Variants in SND1 observed in about 807,000 individuals in gnomAD.
The protein encoded by SND1 is staphylococcal nuclease domain-containing protein 1.
Under a neutral mutation model 121.7 loss-of-function variants are expected in SND1, and 38 were observed. The ratio of observed to expected loss-of-function variants is 0.31; its 90% CI spans 0.24 to 0.41. The LOEUF (loss-of-function observed/expected upper bound fraction) is 0.41. Ranked by LOEUF, SND1 falls within the 10% of genes least tolerant of loss-of-function variation. The pLI, the probability that SND1 is intolerant of heterozygous loss-of-function variation, is 1.00. For missense variants in SND1, 868 were observed against 1,184.6 expected, an observed-to-expected ratio of 0.73 and a Z score of 3.92; for synonymous variants, 401 against 447.4, an observed-to-expected ratio of 0.90 and a Z score of 1.31.
intron 10 of SND1, among the ~76,000 whole-genome samples, chr7:127,739,213 TG>T (rs1234562029): frequency 6.6e-6 from 1 of 152,194 alleles, no homozygotes; most frequent in Non-Finnish European, 1.5e-5. Flanking sequence ...ATTAGTATCT[TG>T]GTCATTTGAA....
At chr7:128,037,325 T>A (rs1400851740) in intron 16 of SND1, among the ~76,000 whole-genome samples, 1 of 152,162 alleles carries the variant, frequency 6.6e-6, no homozygotes, top group Admixed American at 6.5e-5. Context: ...CCACATTGCC[T>A]TCTCCTTTTC....
chr7:127,653,849 A>T (rs1171833471), intron 1 of SND1, among the ~76,000 whole-genome samples: 1 of 152,138 alleles, frequency 6.6e-6, no homozygotes, highest in Non-Finnish European at 1.5e-5. Flanking sequence ...GTCAGAACTG[A>T]TCTGAAACTG....
chr7:128,030,644 G>A (rs771307555), intron 16 of SND1: 2 of 1,548,628 alleles, frequency 1.3e-6, no homozygotes, highest in Non-Finnish European at 1.7e-6. Context: ...GCTTCATGGT[G>A]TGGCACGTTC....
intron 13 of SND1, among the ~76,000 whole-genome samples, chr7:127,894,889 C>T (rs1800087511): frequency 1.3e-5 from 2 of 151,022 alleles, no homozygotes; most frequent in African/African-American, 4.9e-5. Flanking sequence ...AGATAATAGA[C>T]TCAACCCTTT....
intron 10 of SND1, among the ~76,000 whole-genome samples, chr7:127,778,411 A>G (rs967290908): frequency 6.6e-6 from 1 of 152,014 alleles, no homozygotes; most frequent in Non-Finnish European, 1.5e-5. Context: ...TTTGGCCAGG[A>G]TGGTCTCGAT....
intron 15 of SND1, among the ~76,000 whole-genome samples, chr7:127,948,539 T>C (rs538345086): frequency 6.6e-6 from 1 of 152,366 alleles, no homozygotes; most frequent in East Asian, 1.9e-4. Context: ...ACACTCTAAT[T>C]GGATAACAGA....
intron 12 of SND1, among the ~76,000 whole-genome samples, chr7:127,875,446 G>A (rs1008666083): frequency 6.6e-6 from 1 of 152,180 alleles, no homozygotes; most frequent in South Asian, 2.1e-4. Context: ...GGAGTAGCCT[G>A]TTCAGGCTAA....
chr7:127,706,079 T>C (rs35813095), intron 8 of SND1, among the ~76,000 whole-genome samples: 1 of 152,184 alleles, frequency 6.6e-6, no homozygotes. Context: ...TTTTATGTTG[T>C]TCTACAATTA....
chr7:127,744,636 G>C (rs1216056005), intron 10 of SND1, among the ~76,000 whole-genome samples: 1 of 152,176 alleles, frequency 6.6e-6, no homozygotes, highest in African/African-American at 2.4e-5. Flanking sequence ...ACCTATGTAT[G>C]ATCATATTTT....
chr7:127,966,599 G>A (rs145179635), intron 15 of SND1, among the ~76,000 whole-genome samples: 18 of 77,406 alleles, frequency 2.3e-4, no homozygotes, highest in Non-Finnish European at 4.1e-4. Context: ...GCTCCTGAAT[G>A]ACTACTGGGT....
chr7:128,022,204 C>CAAAAA (rs58371490), intron 16 of SND1, among the ~76,000 whole-genome samples: 16 of 74,122 alleles, frequency 2.2e-4, no homozygotes, highest in South Asian at 6.6e-4. Context: ...GACTCTCTCT[C>CAAAAA]AAAAAAAAAA....
chr7:127,726,342 C>G (rs1005133048), intron 10 of SND1, among the ~76,000 whole-genome samples: 8 of 152,248 alleles, frequency 5.3e-5, no homozygotes, highest in African/African-American at 1.4e-4. Context: ...TCTGTGGCAC[C>G]CTGCTTCTGG....
At chr7:127,858,174 AC>A in intron 12 of SND1, 2 of 801,872 alleles carry the variant, frequency 2.5e-6, no homozygotes. Flanking sequence ...AGGGCCTGGC[AC>A]CCCAAACCCT....
intron 15 of SND1, among the ~76,000 whole-genome samples, chr7:127,930,280 G>C (rs1250801198): frequency 6.6e-6 from 1 of 152,148 alleles, no homozygotes; most frequent in African/African-American, 2.4e-5. Flanking sequence ...TTGAATTACT[G>C]AATAGAATTT....
At chr7:127,970,553 T>A (rs1787564599) in intron 15 of SND1, among the ~76,000 whole-genome samples, 1 of 152,238 alleles carries the variant, frequency 6.6e-6, no homozygotes, top group Admixed American at 6.5e-5. Context: ...TGATTTTCTT[T>A]CTCAAGTTTT....
chr7:127,844,493 TCTTTC>T, intron 12 of SND1, 69 bp downstream of exon 12: 1 of 1,263,386 alleles, frequency 7.9e-7, no homozygotes, highest in South Asian at 1.4e-5. Context: ...CTCATTTGAA[TCTTTC>T]CTTCCTTTCA....
chr7:127,829,712 C>T (rs1489389248), intron 11 of SND1, among the ~76,000 whole-genome samples: 1 of 152,090 alleles, frequency 6.6e-6, no homozygotes, highest in African/African-American at 2.4e-5. Flanking sequence ...ACATTCTGTC[C>T]TAAAAAGGAA....
At chr7:127,823,702 T>A (rs1457176091) in intron 11 of SND1, among the ~76,000 whole-genome samples, 1 of 152,194 alleles carries the variant, frequency 6.6e-6, no homozygotes, top group East Asian at 1.9e-4. Flanking sequence ...TTTCGAGCTC[T>A]GCAAATGAAC....
intron 14 of SND1, among the ~76,000 whole-genome samples, chr7:127,924,598 T>C (rs1800793253): frequency 6.6e-6 from 1 of 152,128 alleles, no homozygotes; most frequent in South Asian, 2.1e-4. Context: ...GTGATTTCTG[T>C]AGTTCAGGTC....
Sources: allele counts gnomAD v4.1 joint callset (sites outside exome capture counted in the v4.1 genomes callset), GRCh38; gene constraint gnomAD v4.1.1; transcripts MANE v1.5; gene names NCBI Gene and HGNC (gene_info 2026-07-23, HGNC 2026-07-21).